Variants in ANKRD36 observed in about 807,000 individuals in gnomAD.
The protein encoded by ANKRD36 is ankyrin repeat domain 36.
A neutral mutation model predicts 278.1 loss-of-function variants in ANKRD36; 179 were observed. The ratio of observed to expected loss-of-function variants is 0.64; its 90% CI spans 0.57 to 0.73. The LOEUF (loss-of-function observed/expected upper bound fraction) is 0.73. Ranked by LOEUF, ANKRD36 falls within the 30% of genes least tolerant of loss-of-function variation. The pLI is 0.00. For synonymous variants in ANKRD36, 320 were observed against 641.1 expected (o/e 0.50, Z 7.57); for missense variants, 1,159 against 1,956.7 (o/e 0.59, Z 7.69).
intron 46 of ANKRD36, 59 bp downstream of exon 46, chr2:97,200,584 C>G (rs112920594): frequency 1.3e-6 from 2 of 1,535,086 alleles, no homozygotes; most frequent in Non-Finnish European, 8.7e-7. Flanking sequence ...TTCTCTTCCC[C>G]GAATAAATCA....
intron 3 of ANKRD36, among the ~76,000 whole-genome samples, chr2:97,120,974 A>G (rs912271199): frequency 6.6e-6 from 1 of 151,902 alleles, no homozygotes; most frequent in African/African-American, 2.4e-5. Context: ...TCTATGAGGC[A>G]TGTGGTCTCC....
At chr2:97,139,231 G>A (rs919772494) in intron 6 of ANKRD36, among the ~76,000 whole-genome samples, 1 of 151,860 alleles carries the variant, frequency 6.6e-6, no homozygotes, top group African/African-American at 2.4e-5. Context: ...GAGCTGTTAT[G>A]GTCTTAGGGT....
chr2:97,192,563 A>G (rs933916532), intron 36 of ANKRD36, among the ~76,000 whole-genome samples: 1 of 151,696 alleles, frequency 6.6e-6, no homozygotes, highest in Non-Finnish European at 1.5e-5. Flanking sequence ...TTTAGATCAC[A>G]TTTGTCCGCA....
At chr2:97,180,212 G>A (rs1255404581) in intron 24 of ANKRD36, among the ~76,000 whole-genome samples, 5 of 151,524 alleles carry the variant, frequency 3.3e-5, no homozygotes, top group African/African-American at 9.7e-5. Context: ...GCATAATTTT[G>A]CTTTAATTTT....
intron 68 of ANKRD36, among the ~76,000 whole-genome samples, chr2:97,234,258 T>TA (rs1330216926): frequency 5.8e-3 from 792 of 137,608 alleles, no homozygotes; most frequent in Middle Eastern, 0.027. Flanking sequence ...TATATAGTTG[T>TA]AAAAAATCAC....
In ANKRD36 at chr2:97,168,327, C is replaced by T. The variant is rs555289249; in HGVS notation, c.1633+560C>T. Reference sequence around the variant, plus strand: ...CTGGAAAATGAATAAAGTCATTAATCATTTTTTCGTGACTCTTTGGTAGAT... The same window carrying T: ...CTGGAAAATGAATAAAGTCATTAATTATTTTTTCGTGACTCTTTGGTAGAT... On this transcript the variant is annotated intron_variant, in intron 22 of 75. Transcript: ENST00000420699. Among the ~76,000 whole-genome samples, 4 of 152,344 alleles carry T rather than the reference C, an allele frequency of 2.6e-5. No homozygotes were observed. In the East Asian group the frequency reaches 7.7e-4, roughly 29 times the overall value.
At chr2:97,190,588 T>C (rs2153564259) in intron 34 of ANKRD36, among the ~76,000 whole-genome samples, 1 of 151,738 alleles carries the variant, frequency 6.6e-6, no homozygotes, top group South Asian at 2.1e-4. Context: ...TATAAATCCT[T>C]TTGATTTCCT....
At chr2:97,195,428 A>T (rs1450758163) in intron 40 of ANKRD36, among the ~76,000 whole-genome samples, 16 of 151,944 alleles carry the variant, frequency 1.1e-4, no homozygotes, top group Non-Finnish European at 1.8e-4. Context: ...TTTTGGGGTT[A>T]CTGCTGAGGA....
At chr2:97,222,191 A>G (rs1328143739) in intron 66 of ANKRD36, among the ~76,000 whole-genome samples, 1 of 151,966 alleles carries the variant, frequency 6.6e-6, no homozygotes, top group Admixed American at 6.5e-5. Flanking sequence ...GCCTTGTAGT[A>G]TAGTTTGAAG....
At chr2:97,155,986 T>G (rs1380856416) in intron 15 of ANKRD36, among the ~76,000 whole-genome samples, 1 of 146,212 alleles carries the variant, frequency 6.8e-6, no homozygotes. Flanking sequence ...GAATTTATCT[T>G]TTGTTCTAAT....
chr2:97,134,439 C>T (rs1010057731), intron 6 of ANKRD36, among the ~76,000 whole-genome samples: 2 of 151,784 alleles, frequency 1.3e-5, no homozygotes, highest in East Asian at 3.9e-4. Flanking sequence ...AATCTCAAGA[C>T]GTTGTACTTT....
chr2:97,123,613 T>TTA (rs59057238), intron 4 of ANKRD36, among the ~76,000 whole-genome samples: 14,883 of 64,610 alleles, frequency 0.23, 2,631 homozygotes, highest in Middle Eastern at 0.31. Flanking sequence ...GTAAGTAACA[T>TTA]TATATATATA....
intron 8 of ANKRD36, among the ~76,000 whole-genome samples, 172 bp downstream of exon 8, chr2:97,143,007 A>G (rs1435486494): frequency 6.6e-6 from 1 of 151,934 alleles, no homozygotes; most frequent in Non-Finnish European, 1.5e-5. Flanking sequence ...GTCCTTGGCC[A>G]TGATCTCAGT....
intron 28 of ANKRD36, 94 bp downstream of exon 28, chr2:97,183,748 C>T: frequency 1.4e-6 from 2 of 1,421,382 alleles, no homozygotes; most frequent in Non-Finnish European, 1.9e-6. Flanking sequence ...ATTGAAAATG[C>T]ACTTTCTGAT....
intron 54 of ANKRD36, among the ~76,000 whole-genome samples, chr2:97,208,351 C>T (rs1161069654): frequency 2.0e-5 from 3 of 146,610 alleles, no homozygotes; most frequent in Non-Finnish European, 4.5e-5. Context: ...AATTTACACA[C>T]TTCAGCTCGT....
intron 67 of ANKRD36, among the ~76,000 whole-genome samples, chr2:97,227,615 A>G (rs567098162): frequency 6.6e-6 from 1 of 152,080 alleles, no homozygotes; most frequent in African/African-American, 2.4e-5. Flanking sequence ...AATACCCTTT[A>G]TTTCCTTCTC....
At chr2:97,223,098 C>CTTTTTTTT (rs58708702) in intron 66 of ANKRD36, among the ~76,000 whole-genome samples, 1 of 123,998 alleles carries the variant, frequency 8.1e-6, no homozygotes, top group Non-Finnish European at 1.6e-5. Context: ...TTATTATACA[C>CTTTTTTTT]TTTTTTTTTT....
chr2:97,227,510 T>G (rs2070256266), intron 67 of ANKRD36, among the ~76,000 whole-genome samples: 1 of 152,122 alleles, frequency 6.6e-6, no homozygotes, highest in African/African-American at 2.4e-5. Flanking sequence ...GCTGATCAGC[T>G]TAAGGAGATT....
chr2:97,190,910 G>C, intron 34 of ANKRD36, 68 bp from the exon 35 acceptor site: 3 of 1,578,328 alleles, frequency 1.9e-6, no homozygotes, highest in Non-Finnish European at 2.6e-6. Context: ...TGCTAACACT[G>C]TGTGAATGTA....
Sources: gnomAD v4.1 joint callset for allele counts (sites outside exome capture counted in the v4.1 genomes callset) on GRCh38, gnomAD v4.1.1 for gene constraint, MANE v1.5 for transcripts, NCBI Gene and HGNC (gene_info 2026-07-23, HGNC 2026-07-21) for gene names.